The following FEZ1 variants were observed in gnomAD, a reference collection of about 807,000 sequenced individuals.
FEZ1 encodes the protein fasciculation and elongation protein zeta 1, also known as fasciculation and elongation protein zeta-1.
Under a neutral mutation model 49.3 loss-of-function variants are expected in FEZ1, and 20 were observed. That is an observed-to-expected ratio of 0.41 (90% CI 0.29 to 0.59). The LOEUF (loss-of-function observed/expected upper bound fraction) is 0.59. Among genes scored for constraint, FEZ1 ranks in the 20% least tolerant of loss-of-function variants. FEZ1 has a pLI of 0.36. For synonymous variants in FEZ1, 170 were observed against 180.9 expected, an observed-to-expected ratio of 0.94 and a Z score of 0.48; for missense variants, 413 against 476.0, an observed-to-expected ratio of 0.87 and a Z score of 1.23.
Position 125,449,441 on chromosome 11 carries a change from A to AAAAAAAAG in FEZ1, c.1097-875_1097-874insCTTTTTTT, listed in dbSNP as rs796507357. ...ATAAAAAAAAAAAAAAAAAAAAAAA[A>AAAAAAAAG]AAGAAGAAGAGGAAGAAAAGAAAAA... On this transcript the variant is annotated intron_variant, in intron 8 of 9. Coordinates refer to ENST00000278919, the MANE Select transcript of FEZ1 (RefSeq NM_005103.5). Among the ~76,000 whole-genome samples the AAAAAAAAG allele has an allele frequency of 6.9e-4, 88 of 128,224 alleles. 3 individuals carry two copies. Among genetic ancestry groups the AAAAAAAAG allele is most frequent in the East Asian group, 1.1e-3 (4 of 3,516 alleles). 84.1% of individuals were successfully genotyped at this position (128,224 alleles called of 152,430 possible).
chr11:125,483,974 C>T (rs1224083472), intron 2 of FEZ1, among the ~76,000 whole-genome samples: 1 of 152,210 alleles, frequency 6.6e-6, no homozygotes, highest in African/African-American at 2.4e-5. Flanking sequence ...ATTCCCTAAA[C>T]TTTTATCTTC....
At chr11:125,488,452 G>A (rs561381672) in intron 2 of FEZ1, among the ~76,000 whole-genome samples, 17 of 152,298 alleles carry the variant, frequency 1.1e-4, no homozygotes, top group South Asian at 2.1e-4. Flanking sequence ...AGGCCAAGGC[G>A]GGCAAATCAC....
chr11:125,449,486 C>T (rs980290540), intron 8 of FEZ1, among the ~76,000 whole-genome samples: 3 of 119,046 alleles, frequency 2.5e-5, no homozygotes, highest in East Asian at 2.9e-4. Flanking sequence ...GCTATATGTA[C>T]AAGACATAGT....
At chr11:125,452,265 A>G in intron 8 of FEZ1, 69 bp downstream of exon 8, 1 of 1,047,078 alleles carries the variant, frequency 9.6e-7, no homozygotes. Context: ...TGCGGCACGG[A>G]GGTACAACGT....
rs912397367 is a variant in FEZ1 at position 125,455,462 on chromosome 11, G to A, written c.939+373C>T. ...CTGAAACACCTTAGCACGCCCTAAA[G>A]AGACCAGTCAGGACTGGAACCTGGG... On this transcript the variant is annotated intron_variant, in intron 6 of 9. Coordinates refer to ENST00000278919, the MANE Select transcript of FEZ1 (RefSeq NM_005103.5). 10 of 272,818 alleles carry A rather than the reference G, an allele frequency of 3.7e-5. No individual in the cohort carries two copies. The Admixed American group carries it at 4.8e-4, about 13-fold the overall frequency. 16.9% of individuals were successfully genotyped at this position (272,818 alleles called of 1,614,324 possible). A position where few individuals can be genotyped will look rare whatever the true frequency, so the allele number is the denominator to read the frequency against.
rs1242198838 is a variant in FEZ1, at chr11:125,444,163, G to T, written c.*1932C>A. Among the ~76,000 whole-genome samples the T allele has an allele frequency of 6.6e-6, 1 of 152,152 alleles. No individual in the cohort carries two copies. The stretch of plus-strand genomic sequence containing the variant: ...CTTCCATGCTCCTGTGGCAGCCGGG[G>T]CTCTATCTATGGAGAAGCTCTGCTC... On this transcript the variant is annotated 3_prime_UTR_variant, in exon 10 of 10. Transcript: ENST00000278919.
chr11:125,446,102 G>T lies in FEZ1; in HGVS notation c.1172C>A (p.Pro391His), dbSNP rs750347817. 6.2e-7 allele frequency: 1 copy of T among 1,614,010 alleles called. No individual in the cohort carries two copies. Among genetic ancestry groups the T allele is most frequent in the Non-Finnish European group, 8.5e-7 (1 of 1,179,896 alleles). Residue 391 changes from proline (P) to histidine (H), a missense_variant, in exon 10 of 10, where the codon CCT becomes CAT. Pro to His is a moderately conservative substitution (Grantham distance 77). Transcript: ENST00000278919. Reference sequence around the variant, plus strand: ...CTGCTCCAAAGGGCAAGGTTAGGTAGGGCAGAGCACTGCAACGAGAAGAGA... The same window carrying T: ...CTGCTCCAAAGGGCAAGGTTAGGTATGGCAGAGCACTGCAACGAGAAGAGA... ...LTDYILKVLC[P>H]T is the part of the protein sequence containing the mutation.
At chr11:125,473,021 T>C (rs1591593991) in intron 3 of FEZ1, among the ~76,000 whole-genome samples, 1 of 151,608 alleles carries the variant, frequency 6.6e-6, no homozygotes, top group East Asian at 1.9e-4. Flanking sequence ...GAAATGTAAA[T>C]AACCTAAAAT....
At chr11:125,475,302 A>ACACG (rs1270744562) in intron 3 of FEZ1, among the ~76,000 whole-genome samples, 7 of 150,834 alleles carry the variant, frequency 4.6e-5, no homozygotes, top group Non-Finnish European at 1.0e-4. Context: ...ACACACACAC[A>ACACG]CACACACACA....
chr11:125,474,315 G>C (rs1957209962), intron 3 of FEZ1, among the ~76,000 whole-genome samples: 1 of 150,008 alleles, frequency 6.7e-6, no homozygotes, highest in Admixed American at 6.7e-5. Flanking sequence ...TGGGATTACA[G>C]ACATGAGCTA....
Position 125,474,995 on chromosome 11 carries a change from C to T in FEZ1, c.411+6539G>A, listed in dbSNP as rs564626821. ...ATTTCACCAAAGAAAACATACAGGC[C>T]GGGCACAGTCACGCCTGTAATCCCA... On this transcript the variant is annotated intron_variant, in intron 3 of 9. Coordinates refer to ENST00000278919, the MANE Select transcript of FEZ1 (RefSeq NM_005103.5). Among the ~76,000 whole-genome samples the T allele has an allele frequency of 6.6e-5, 10 of 152,036 alleles. No homozygotes were observed. In the South Asian group the frequency reaches 8.3e-4, roughly 13 times the overall value.
rs1470934904 is a variant in FEZ1, at chr11:125,485,952, A to T, written c.311+3515T>A. Among the ~76,000 whole-genome samples the T allele has an allele frequency of 3.3e-5, 5 of 152,218 alleles. No homozygotes were observed. In the East Asian group the frequency reaches 7.7e-4, roughly 23 times the overall value. On this transcript the variant is annotated intron_variant, in intron 2 of 9. Coordinates refer to ENST00000278919, the MANE Select transcript of FEZ1 (RefSeq NM_005103.5). ...CAGAGTGAGACTCTGTCTCAAAAAG[A>T]AAGAAAGTAGAAATTATTAGCAGCA...
rs1956871470 is a variant in FEZ1 at position 125,443,336 on chromosome 11, T to C, written c.*2759A>G. Reference sequence around the variant, plus strand: ...AGAGGGAAAAGCTGAGGGAAGACAATTGGGTTCACCTGATAATCACACTAG... The same window carrying C: ...AGAGGGAAAAGCTGAGGGAAGACAACTGGGTTCACCTGATAATCACACTAG... On this transcript the variant is annotated 3_prime_UTR_variant, in exon 10 of 10. Coordinates refer to ENST00000278919, the MANE Select transcript of FEZ1 (RefSeq NM_005103.5). Among the ~76,000 whole-genome samples, 1 of 152,154 alleles carries C rather than the reference T, an allele frequency of 6.6e-6. No individual in the cohort carries two copies. The highest frequency in any genetic ancestry group is 6.5e-5 in the Admixed American group (1 of 15,268).
chr11:125,493,333 T>G (rs557556349), intron 1 of FEZ1, among the ~76,000 whole-genome samples: 19 of 106,350 alleles, frequency 1.8e-4, no homozygotes, highest in Admixed American at 3.1e-4. Flanking sequence ...AAACTCCATC[T>G]CAAGAAAGAA....
At position 125,481,678 on chromosome 11, in the gene FEZ1, G is replaced by T. The variant is rs185912091; in HGVS notation, c.312-45C>A. The T allele has an allele frequency of 3.8e-4, 516 of 1,344,116 alleles. 2 individuals are homozygous for T. In the African/African-American group the frequency reaches 6.8e-3, roughly 18 times the overall value. 83.3% of individuals were successfully genotyped at this position (1,344,116 alleles called of 1,614,324 possible). On this transcript the variant is annotated intron_variant, in intron 2 of 9. Coordinates refer to ENST00000278919, the MANE Select transcript of FEZ1 (RefSeq NM_005103.5). ...CTCATTAACACACATCTGTGGCCTG[G>T]CCCCGCCTGGAGGAAGGAAGAGCTG...
chr11:125,492,485 AC>A (rs1306312063), intron 1 of FEZ1, among the ~76,000 whole-genome samples: 2 of 152,246 alleles, frequency 1.3e-5, no homozygotes, highest in African/African-American at 4.8e-5. Flanking sequence ...TCCCTGAGCA[AC>A]AAAAAAGTGA....
chr11:125,471,341 T>C (rs1314991535), intron 3 of FEZ1, among the ~76,000 whole-genome samples: 1 of 151,780 alleles, frequency 6.6e-6, no homozygotes, highest in East Asian at 1.9e-4. Context: ...AGACTGAATA[T>C]AAAAACAAGA....
At chr11:125,492,113 A>C (rs1957388403) in intron 1 of FEZ1, among the ~76,000 whole-genome samples, 1 of 152,222 alleles carries the variant, frequency 6.6e-6, no homozygotes. Context: ...AAAACTAATG[A>C]GGCAGTTTTT....
At chr11:125,453,421 T>G (rs1956976990) in intron 7 of FEZ1, 1 of 152,070 alleles carries the variant, frequency 6.6e-6, no homozygotes, top group African/African-American at 2.4e-5. Flanking sequence ...AATTCTAGAG[T>G]TCTAGAATTC....
Sources: gnomAD v4.1 joint callset for allele counts (sites outside exome capture counted in the v4.1 genomes callset) on GRCh38, gnomAD v4.1.1 for gene constraint, MANE v1.5 for transcripts, NCBI Gene and HGNC (gene_info 2026-07-23, HGNC 2026-07-21) for gene names.